Variants in ADIPOR1 observed in about 807,000 individuals in gnomAD.
The protein encoded by ADIPOR1 is adiponectin receptor 1.
A neutral mutation model predicts 37.5 loss-of-function variants in ADIPOR1; 15 were observed. The ratio of observed to expected loss-of-function variants is 0.40; its 90% CI spans 0.27 to 0.62. ADIPOR1 has a LOEUF of 0.62. Ranked by LOEUF, ADIPOR1 falls within the 20% of genes least tolerant of loss-of-function variation. The probability of loss-of-function intolerance (pLI) is 0.42; values close to 1 mark genes in which losing one functional copy is unlikely to be tolerated. For synonymous variants in ADIPOR1, 173 were observed against 173.2 expected, an observed-to-expected ratio of 1.00 and a Z score of 0.01; for missense variants, 286 against 478.0, an observed-to-expected ratio of 0.60 and a Z score of 3.75.
intron 5 of ADIPOR1, chr1:202,944,212 T>C (rs111497678): frequency 6.2e-5 from 19 of 306,394 alleles, no homozygotes; most frequent in African/African-American, 3.1e-4. Context: ...GTATCTCCCA[T>C]AGTAGACACT....
At chr1:202,947,358 C>T (rs1654375175) in intron 3 of ADIPOR1, among the ~76,000 whole-genome samples, 1 of 151,394 alleles carries the variant, frequency 6.6e-6, no homozygotes, top group Non-Finnish European at 1.5e-5. Flanking sequence ...CCCGTCTCTA[C>T]TAAAAATACA....
In ADIPOR1 at chr1:202,951,142, A is replaced by G. The variant is rs1654566250; in HGVS notation, c.-72T>C. 1.3e-6 allele frequency: 2 copies of G among 1,585,212 alleles called. No individual in the cohort carries two copies. The highest frequency in any genetic ancestry group is 2.2e-5 in the South Asian group (2 of 89,536). On this transcript the variant is annotated 5_prime_UTR_variant, in exon 2 of 8. Coordinates refer to ENST00000340990, the MANE Select transcript of ADIPOR1 (RefSeq NM_015999.6). ...GGGGTCTCTCAGCCCCAGGGGGCAG[A>G]GATCTCCCTCTGATGGTAGACACTA...
In ADIPOR1 at chr1:202,950,933, G is replaced by A; in HGVS notation, c.138C>T (p.Pro46=). 1 of 1,614,156 alleles carries A rather than the reference G, an allele frequency of 6.2e-7. No individual in the cohort carries two copies. The highest frequency in any genetic ancestry group is 8.5e-7 in the Non-Finnish European group (1 of 1,180,038). The change falls in exon 2 of 8, where the codon CCC becomes CCT. Residue 46 remains proline (P), a synonymous_variant. Transcript: ENST00000340990. ...EKGKRVIANP[P]KAEEEQTCPV... is the part of the protein sequence containing the mutation. ...GACTCCTGGGAAGATGACTTACTTT[G>A]GGTGGGTTGGCGATTACCCGTTTGC... is the stretch of plus-strand genomic sequence containing the variant.
intron 7 of ADIPOR1, 152 bp downstream of exon 7, chr1:202,941,873 C>A: frequency 1.7e-6 from 2 of 1,161,466 alleles, no homozygotes; most frequent in Non-Finnish European, 2.4e-6. Flanking sequence ...AGAGATACAC[C>A]AAAATGTTAA....
intron 6 of ADIPOR1, among the ~76,000 whole-genome samples, chr1:202,942,759 G>A (rs1243408902): frequency 6.6e-6 from 1 of 152,124 alleles, no homozygotes; most frequent in Non-Finnish European, 1.5e-5. Context: ...TGAAGGGCAG[G>A]GACCACCTCT....
intron 2 of ADIPOR1, among the ~76,000 whole-genome samples, chr1:202,950,656 C>T (rs995455661): frequency 1.1e-4 from 17 of 152,124 alleles, no homozygotes; most frequent in Non-Finnish European, 1.9e-4. Context: ...TAATTGACTG[C>T]TTCCTTCATT....
At chr1:202,949,366 G>GA (rs1331876385) in intron 2 of ADIPOR1, among the ~76,000 whole-genome samples, 3 of 151,180 alleles carry the variant, frequency 2.0e-5, no homozygotes, top group Non-Finnish European at 4.4e-5. Flanking sequence ...GGATCACGAG[G>GA]TCAGGAGATC....
rs1654337384 is a variant in ADIPOR1, at chr1:202,946,731, T to C, written c.259-121A>G. 4 of 965,502 alleles carry C rather than the reference T, an allele frequency of 4.1e-6. No homozygotes were observed. In the Admixed American group the frequency reaches 6.7e-5, roughly 16 times the overall value. The allele number at this position is 965,502 out of a possible 1,614,324, so 59.8% of individuals were successfully genotyped here. ...GGCTCTGAATGGTCCTAGGTAATAG[T>C]GGAGAACCAGCCTGGACTGGGGGAT... On this transcript the variant is annotated intron_variant, in intron 3 of 7. Coordinates refer to ENST00000340990, the MANE Select transcript of ADIPOR1 (RefSeq NM_015999.6).
intron 1 of ADIPOR1, among the ~76,000 whole-genome samples, chr1:202,953,190 A>G (rs1368298022): frequency 6.6e-6 from 1 of 152,098 alleles, no homozygotes; most frequent in African/African-American, 2.4e-5. Context: ...CTCAAAGTGA[A>G]GTACTACTGA....
chr1:202,946,694 A>G, intron 3 of ADIPOR1, 84 bp from the exon 4 acceptor site: 1 of 1,425,068 alleles, frequency 7.0e-7, no homozygotes, highest in Non-Finnish European at 9.8e-7. Context: ...TAGTCTAAGA[A>G]GATGTCAGTC....
At position 202,944,875 on chromosome 1, in the gene ADIPOR1, T is replaced by C; in HGVS notation, c.617+108A>G. On this transcript the variant is annotated intron_variant, in intron 5 of 7. Coordinates refer to ENST00000340990, the MANE Select transcript of ADIPOR1 (RefSeq NM_015999.6). ...AACAGAGAGCCTTTCCTCTGGCATA[T>C]CAAGAAACCTTTAGGAGTGATATGA... The C allele has an allele frequency of 3.6e-6, 4 of 1,113,304 alleles. No individual in the cohort carries two copies. The South Asian group carries it at 7.7e-5, about 21-fold the overall frequency. The allele number at this position is 1,113,304 out of a possible 1,614,324, so 69.0% of individuals were successfully genotyped here.
Position 202,941,400 on chromosome 1 carries a change from G to T in ADIPOR1, c.*173C>A, listed in dbSNP as rs1048010405. 1 of 699,262 alleles carries T rather than the reference G, an allele frequency of 1.4e-6. No homozygotes were observed. The highest frequency in any genetic ancestry group is 2.1e-6 in the Non-Finnish European group (1 of 469,214). 43.3% of individuals were successfully genotyped at this position (699,262 alleles called of 1,614,324 possible). A position where few individuals can be genotyped will look rare whatever the true frequency, so the allele number is the denominator to read the frequency against. ...CATCCCCAGCTAGGAGAATGGAAAT[G>T]GAAAGTTTATTGCCCAGTGGGTGTG... On this transcript the variant is annotated 3_prime_UTR_variant, in exon 8 of 8. Transcript: ENST00000340990.
At chr1:202,947,044 G>A (rs185100736) in intron 3 of ADIPOR1, among the ~76,000 whole-genome samples, 3 of 151,396 alleles carry the variant, frequency 2.0e-5, no homozygotes, top group East Asian at 2.0e-4. Flanking sequence ...TGAACCTGGC[G>A]GGCGGGGGTT....
At chr1:202,945,312 C>G in intron 4 of ADIPOR1, 143 bp from the exon 5 acceptor site, 2 of 827,946 alleles carry the variant, frequency 2.4e-6, no homozygotes, top group Non-Finnish European at 3.6e-6. Context: ...TGAAATACCA[C>G]CTTACTTCTG....
At chr1:202,941,924 A>G (rs1654106121) in intron 7 of ADIPOR1, 101 bp downstream of exon 7, 3 of 1,315,860 alleles carry the variant, frequency 2.3e-6, no homozygotes, top group African/African-American at 1.5e-5. Context: ...TGTACCTCCA[A>G]ACACTATATG....
rs565801189 is a variant in ADIPOR1, at chr1:202,947,108, T to C, written c.259-498A>G. Among the ~76,000 whole-genome samples the C allele has an allele frequency of 5.9e-5, 9 of 151,890 alleles. No homozygotes were observed. The East Asian group carries it at 1.8e-3, about 30-fold the overall frequency. On this transcript the variant is annotated intron_variant, in intron 3 of 7. Coordinates refer to ENST00000340990, the MANE Select transcript of ADIPOR1 (RefSeq NM_015999.6). ...TCCAGCCTGGGCGACCGAGCAAGAC[T>C]CTGTATTCAAAAAAAACAAAAAAAC...
At chr1:202,951,511 C>T (rs1291563536) in intron 1 of ADIPOR1, among the ~76,000 whole-genome samples, 10 of 152,204 alleles carry the variant, frequency 6.6e-5, no homozygotes, top group Admixed American at 6.5e-4. Context: ...TCATCTATCA[C>T]TCCCAAAGCT....
chr1:202,949,593 A>AAAAAAAAAAAAC lies in ADIPOR1; in HGVS notation c.142-1174_142-1173insGTTTTTTTTTTT, dbSNP rs1332418254. ...GACTCTGTCTCCAAAAAAAAAAAAA[A>AAAAAAAAAAAAC]AAAACACACCCAGGAGAGCACTTGC... On this transcript the variant is annotated intron_variant, in intron 2 of 7. Transcript: ENST00000340990. 2.0e-3 allele frequency among the ~76,000 whole-genome samples: 273 copies of AAAAAAAAAAAAC among 138,334 alleles called. 8 individuals are homozygous for AAAAAAAAAAAAC. Among genetic ancestry groups the AAAAAAAAAAAAC allele is most frequent in the East Asian group, 0.014 (59 of 4,138 alleles). 90.8% of individuals were successfully genotyped at this position (138,334 alleles called of 152,430 possible).
chr1:202,950,252 C>T (rs1019963690), intron 2 of ADIPOR1, among the ~76,000 whole-genome samples: 5 of 151,670 alleles, frequency 3.3e-5, no homozygotes, highest in East Asian at 2.0e-4. Context: ...TGTGAGCCAC[C>T]GTGCCCGGCC....
Sources: gnomAD v4.1 joint callset for allele counts (sites outside exome capture counted in the v4.1 genomes callset) on GRCh38, gnomAD v4.1.1 for gene constraint, MANE v1.5 for transcripts, NCBI Gene and HGNC (gene_info 2026-07-23, HGNC 2026-07-21) for gene names.